The following VDAC2 variants were observed in gnomAD, a reference collection of about 807,000 sequenced individuals.
VDAC2 encodes non-selective voltage-gated ion channel VDAC2.
Under a neutral mutation model 36.6 loss-of-function variants are expected in VDAC2, and 6 were observed. The ratio of observed to expected loss-of-function variants is 0.16; its 90% CI spans 0.09 to 0.32. The LOEUF is 0.32. Ranked by LOEUF, VDAC2 falls within the 10% of genes least tolerant of loss-of-function variation. The pLI is 1.00. For synonymous variants in VDAC2, 109 were observed against 123.8 expected, an observed-to-expected ratio of 0.88 and a Z score of 0.79; for missense variants, 247 against 346.0, an observed-to-expected ratio of 0.71 and a Z score of 2.27.
In VDAC2 at chr10:75,227,577, A is replaced by ATTTTTTTTTTTTTTTTT. The variant is rs35378957; in HGVS notation, c.736-2062_736-2046dup. Among the ~76,000 whole-genome samples, 22 of 99,928 alleles carry ATTTTTTTTTTTTTTTTT rather than the reference A, an allele frequency of 2.2e-4. 4 individuals carry two copies. Among genetic ancestry groups the ATTTTTTTTTTTTTTTTT allele is most frequent in the African/African-American group, 8.5e-4 (19 of 22,234 alleles). The allele number at this position is 99,928 out of a possible 152,430, so 65.6% of individuals were successfully genotyped here. A position where few individuals can be genotyped will look rare whatever the true frequency, so the allele number is the denominator to read the frequency against. On this transcript the variant is annotated intron_variant, in intron 8 of 9. Coordinates refer to ENST00000332211, the MANE Select transcript of VDAC2 (RefSeq NM_001391963.1). ...TAACTCTTACTGTTAAATAATAGGA[A>ATTTTTTTTTTTTTTTTT]TTTTTTTTTTTTTTTTTTTTTGGAG...
chr10:75,214,145 A>C (rs2132254685), intron 4 of VDAC2, 75 bp downstream of exon 4: 1 of 1,466,284 alleles, frequency 6.8e-7, no homozygotes, highest in Non-Finnish European at 9.5e-7. Context: ...TAACTGAAAG[A>C]TGTCTACCTG....
chr10:75,226,534 G>GTTGAGGTTA (rs1207162970), intron 8 of VDAC2, among the ~76,000 whole-genome samples: 50 of 142,396 alleles, frequency 3.5e-4, no homozygotes, highest in African/African-American at 1.3e-3. Flanking sequence ...TCTGCTCACT[G>GTTGAGGTTA]CAACCTCAAC....
At chr10:75,212,720 C>T (rs1460062053) in intron 3 of VDAC2, among the ~76,000 whole-genome samples, 1 of 152,174 alleles carries the variant, frequency 6.6e-6, no homozygotes, top group Non-Finnish European at 1.5e-5. Flanking sequence ...CTATTAGAAA[C>T]TTAAGATACT....
intron 8 of VDAC2, among the ~76,000 whole-genome samples, chr10:75,228,362 T>G (rs1842018629): frequency 6.6e-6 from 1 of 151,954 alleles, no homozygotes; most frequent in African/African-American, 2.4e-5. Context: ...GGGCTTGAGA[T>G]CCTTCCACTC....
At chr10:75,222,519 ATTAGTT>A in intron 8 of VDAC2, 117 bp downstream of exon 8, 2 of 1,375,940 alleles carry the variant, frequency 1.5e-6, no homozygotes, top group Non-Finnish European at 2.0e-6. Context: ...TTACAGATAG[ATTAGTT>A]TTAGATTTTG....
intron 4 of VDAC2, chr10:75,217,794 A>G: frequency 2.9e-6 from 2 of 685,774 alleles, no homozygotes; most frequent in Non-Finnish European, 4.2e-6. Context: ...CTCTAACAGC[A>G]GAGCAATAGT....
chr10:75,221,034 A>G lies in VDAC2; in HGVS notation c.584+64A>G, dbSNP rs548116211. On this transcript the variant is annotated intron_variant, in intron 7 of 9. Transcript: ENST00000332211. ...TCAGAGGATGATTTTGATGTCTGTC[A>G]TCTTATTGATCTGGGTGCACCCTAA... 37 of 1,464,148 alleles carry G rather than the reference A, an allele frequency of 2.5e-5. No homozygotes were observed. The African/African-American group carries it at 4.7e-4, about 19-fold the overall frequency. The allele number at this position is 1,464,148 out of a possible 1,614,324, so 90.7% of individuals were successfully genotyped here.
intron 3 of VDAC2, 77 bp from the exon 4 acceptor site, chr10:75,213,944 T>A: frequency 7.0e-7 from 1 of 1,420,034 alleles, no homozygotes; most frequent in Non-Finnish European, 9.9e-7. Flanking sequence ...TTTTGTTTTT[T>A]ATGTATAGTC....
intron 7 of VDAC2, among the ~76,000 whole-genome samples, chr10:75,221,884 C>T (rs1471499454): frequency 2.6e-5 from 4 of 152,104 alleles, no homozygotes; most frequent in African/African-American, 9.7e-5. Flanking sequence ...AGAAGAAAAC[C>T]TACGTTTCTT....
At chr10:75,229,184 T>C (rs10159747) in intron 8 of VDAC2, 1 of 152,076 alleles carries the variant, frequency 6.6e-6, no homozygotes, top group Non-Finnish European at 1.5e-5. Context: ...TTTTAAACAT[T>C]CATGGTTTTG....
At chr10:75,211,736 G>C (rs1841430369) in intron 2 of VDAC2, 1 of 1,507,332 alleles carries the variant, frequency 6.6e-7, no homozygotes, top group Non-Finnish European at 9.0e-7. Flanking sequence ...TTTTTTCCAA[G>C]TTTCAATATT....
intron 8 of VDAC2, among the ~76,000 whole-genome samples, chr10:75,226,966 CTTTGTAATGAAGTCTCT>C (rs570543848): frequency 1.1e-3 from 164 of 152,236 alleles, no homozygotes; most frequent in African/African-American, 3.4e-3. Context: ...ATGAAGTCTC[CTTTGTAATGAAGTCTCT>C]GTAAAAACCC....
At chr10:75,211,933 T>A (rs1841436440) in intron 2 of VDAC2, among the ~76,000 whole-genome samples, 1 of 152,256 alleles carries the variant, frequency 6.6e-6, no homozygotes, top group Non-Finnish European at 1.5e-5. Context: ...AATACTTGTT[T>A]GATTCTTTGT....
chr10:75,228,993 A>T (rs1842034612), intron 8 of VDAC2, among the ~76,000 whole-genome samples: 1 of 152,198 alleles, frequency 6.6e-6, no homozygotes, highest in Non-Finnish European at 1.5e-5. Flanking sequence ...TGTGCAAGGA[A>T]GGCAGGGGCC....
chr10:75,215,361 T>C (rs1467055867), intron 4 of VDAC2, among the ~76,000 whole-genome samples: 1 of 152,000 alleles, frequency 6.6e-6, no homozygotes, highest in Non-Finnish European at 1.5e-5. Context: ...AGAGACTTTT[T>C]TTTTTTTTGA....
At chr10:75,228,224 G>C (rs1259295456) in intron 8 of VDAC2, among the ~76,000 whole-genome samples, 1 of 151,388 alleles carries the variant, frequency 6.6e-6, no homozygotes, top group African/African-American at 2.4e-5. Flanking sequence ...AGCTGTCTGA[G>C]GCTCTTATTT....
At position 75,216,196 on chromosome 10, in the gene VDAC2, G is replaced by A. The variant is rs549534373; in HGVS notation, c.150+2126G>A. ...ATGTTCCCATTGTTAGTCTATTGAG[G>A]CCCCTAGTGTATTTGTTGAAACACA... is the stretch of plus-strand genomic sequence containing the variant. On this transcript the variant is annotated intron_variant, in intron 4 of 9. Transcript: ENST00000332211. Among the ~76,000 whole-genome samples the A allele has an allele frequency of 5.3e-5, 8 of 152,226 alleles. No homozygotes were observed. The South Asian group carries it at 1.2e-3, about 24-fold the overall frequency.
At chr10:75,218,756 G>A (rs1007583721) in intron 4 of VDAC2, among the ~76,000 whole-genome samples, 8 of 149,628 alleles carry the variant, frequency 5.3e-5, no homozygotes, top group Non-Finnish European at 1.0e-4. Context: ...GCGGGACTCT[G>A]TCTCAAAAAA....
chr10:75,212,892 G>A (rs925436851), intron 3 of VDAC2, among the ~76,000 whole-genome samples: 4 of 152,038 alleles, frequency 2.6e-5, no homozygotes, highest in African/African-American at 9.7e-5. Context: ...GTTGACTAGA[G>A]TTACGATATA....
Sources: allele counts gnomAD v4.1 joint callset (sites outside exome capture counted in the v4.1 genomes callset), GRCh38; gene constraint gnomAD v4.1.1; transcripts MANE v1.5; gene names NCBI Gene and HGNC (gene_info 2026-07-23, HGNC 2026-07-21).